Variants in NCKAP1L observed in about 807,000 individuals in gnomAD.
The protein encoded by NCKAP1L is nck-associated protein 1-like.
NCKAP1L carries 53 observed loss-of-function variants against 139.2 expected under a neutral mutation model. The ratio of observed to expected loss-of-function variants is 0.38; its 90% CI spans 0.31 to 0.48. The LOEUF (loss-of-function observed/expected upper bound fraction) is 0.48. NCKAP1L is among the 20% of genes least tolerant of loss of function. The pLI is 0.98. For missense variants in NCKAP1L, 1,151 were observed against 1,381.9 expected (o/e 0.83, Z 2.65); for synonymous variants, 468 against 499.7 (o/e 0.94, Z 0.85).
intron 20 of NCKAP1L, 138 bp from the exon 21 acceptor site, chr12:54,526,390 G>C: frequency 1.5e-6 from 1 of 659,836 alleles, no homozygotes; most frequent in Non-Finnish European, 2.6e-6. Context: ...AGCTTATTAG[G>C]TTACTATGAG....
chr12:54,500,842 T>C, intron 3 of NCKAP1L: 1 of 396,428 alleles, frequency 2.5e-6, no homozygotes. Context: ...TATGTATATG[T>C]ATTTAGTAAA....
At chr12:54,507,114 T>C (rs1423342965) in intron 3 of NCKAP1L, among the ~76,000 whole-genome samples, 1 of 151,844 alleles carries the variant, frequency 6.6e-6, no homozygotes, top group African/African-American at 2.4e-5. Flanking sequence ...CTCTCTCTTT[T>C]CCTTTTATAA....
chr12:54,539,722 C>G (rs1957142572), intron 30 of NCKAP1L, among the ~76,000 whole-genome samples: 7 of 152,278 alleles, frequency 4.6e-5, no homozygotes, highest in Admixed American at 3.3e-4. Context: ...GAGCCTTCCT[C>G]TAGTAGAGTG....
chr12:54,537,195 T>C (rs368556714), intron 29 of NCKAP1L, 142 bp downstream of exon 29: 2 of 550,074 alleles, frequency 3.6e-6, no homozygotes, highest in Non-Finnish European at 6.4e-6. Flanking sequence ...GAGAAGCTAC[T>C]ATGTGAAAGG....
chr12:54,531,202 G>A, intron 22 of NCKAP1L, 58 bp from the exon 23 acceptor site: 1 of 1,283,254 alleles, frequency 7.8e-7, no homozygotes, highest in Non-Finnish European at 1.1e-6. Context: ...TATAGCTGTT[G>A]TACAAATACT....
At chr12:54,519,427 T>A in intron 16 of NCKAP1L, 95 bp downstream of exon 16, 2 of 931,838 alleles carry the variant, frequency 2.1e-6, no homozygotes, top group Non-Finnish European at 2.8e-6. Context: ...GAATTTTGTT[T>A]AATTTTTTTT....
intron 30 of NCKAP1L, among the ~76,000 whole-genome samples, chr12:54,541,021 G>A (rs1957153914): frequency 6.6e-6 from 1 of 152,258 alleles, no homozygotes; most frequent in Non-Finnish European, 1.5e-5. Flanking sequence ...ATTCTGACCA[G>A]CACTTCTGTC....
rs749025626 is a variant in NCKAP1L at position 54,542,653 on chromosome 12, C to T, written c.3352C>T (p.Arg1118Trp). Residue 1118 changes from arginine (R) to tryptophan (W), a missense_variant, in exon 31 of 31, where the codon CGG becomes TGG. By Grantham distance (101) the Arg-to-Trp change is moderately radical. Transcript: ENST00000293373. Reference protein sequence around the residue: ...FPYVLLRNAYREVSRAFHLN With the variant: ...FPYVLLRNAYWEVSRAFHLN ...TTATGTCCTGCTTCGAAATGCCTAT[C>T]GGGAGGTGTCTCGGGCCTTCCACCT... is the stretch of plus-strand genomic sequence containing the variant. 10 of 1,613,322 alleles carry T rather than the reference C, an allele frequency of 6.2e-6. No homozygotes were observed. The highest frequency in any genetic ancestry group is 4.0e-5 in the African/African-American group (3 of 74,904).
At chr12:54,500,442 G>A (rs1956788929) in intron 2 of NCKAP1L, 91 bp from the exon 3 acceptor site, 1 of 913,612 alleles carries the variant, frequency 1.1e-6, no homozygotes, top group Admixed American at 1.8e-5. Flanking sequence ...CTTTAAGAAT[G>A]TTTTAGGTAT....
chr12:54,542,665 C>T lies in NCKAP1L; in HGVS notation c.3364C>T (p.Arg1122Trp), dbSNP rs150918174. ...LLRNAYREVS[R>W]AFHLN ...TCGAAATGCCTATCGGGAGGTGTCT[C>T]GGGCCTTCCACCTAAACTGAATGCC... Residue 1122 changes from arginine to tryptophan, a missense_variant, in exon 31 of 31, where the codon CGG (arginine) becomes TGG (tryptophan). Transcript: ENST00000293373. 9 of 1,607,592 alleles carry T rather than the reference C, an allele frequency of 5.6e-6. No individual in the cohort carries two copies. Among genetic ancestry groups the T allele is most frequent in the African/African-American group, 4.0e-5 (3 of 74,672 alleles).
chr12:54,505,316 C>CT (rs1318094011), intron 3 of NCKAP1L, among the ~76,000 whole-genome samples: 2 of 152,026 alleles, frequency 1.3e-5, no homozygotes, highest in Non-Finnish European at 2.9e-5. Flanking sequence ...TAGACACAGC[C>CT]TTTTTTTGGA....
At chr12:54,503,004 CAAAA>C (rs77302715) in intron 3 of NCKAP1L, among the ~76,000 whole-genome samples, 1 of 83,660 alleles carries the variant, frequency 1.2e-5, no homozygotes. Context: ...GACTTTGTCT[CAAAA>C]AAAAAAAAAA....
At chr12:54,533,552 T>C (rs953202335) in intron 26 of NCKAP1L, among the ~76,000 whole-genome samples, 18 of 151,886 alleles carry the variant, frequency 1.2e-4, no homozygotes, top group Admixed American at 7.2e-4. Context: ...GCAAAGTGTG[T>C]GTATGTTGGT....
Position 54,511,815 on chromosome 12 carries a change from T to C in NCKAP1L, c.748T>C (p.Tyr250His). Residue 250 changes from tyrosine (Y) to histidine (H), a missense_variant, in exon 8 of 31, where the codon TAT becomes CAT. Transcript: ENST00000293373. ...TCTCTTCTCACAGATGGCCTGTGAG[T>C]ATCTGTCTGTGGAAGTAATGGAGCG... is the stretch of plus-strand genomic sequence containing the variant. ...PANSDTMACE[Y>H]LSVEVMERWI... 6.2e-7 allele frequency: 1 copy of C among 1,614,202 alleles called. No individual in the cohort carries two copies. The highest frequency in any genetic ancestry group is 8.5e-7 in the Non-Finnish European group (1 of 1,180,018).
chr12:54,532,978 A>G (rs1957084855), intron 26 of NCKAP1L, among the ~76,000 whole-genome samples: 1 of 152,234 alleles, frequency 6.6e-6, no homozygotes. Flanking sequence ...GGTCTGTGTT[A>G]AGAGGAAACT....
chr12:54,546,584 G>T lies in NCKAP1L; in HGVS notation c.*3899G>T, dbSNP rs1957199469. 2 of 152,196 alleles carry T rather than the reference G, an allele frequency of 1.3e-5. No homozygotes were observed. The highest frequency in any genetic ancestry group is 2.4e-5 in the African/African-American group (1 of 41,434). The allele number at this position is 152,196 out of a possible 1,614,324, so 9.4% of individuals were successfully genotyped here. A position where few individuals can be genotyped will look rare whatever the true frequency, so the allele number is the denominator to read the frequency against. On this transcript the variant is annotated 3_prime_UTR_variant, in exon 31 of 31. Coordinates refer to ENST00000293373, the MANE Select transcript of NCKAP1L (RefSeq NM_005337.5). ...CTCCAACAAAGTTTGACTTTGAGAAGAAGCTGGCACATGGCTGAAATGCAC... is the reference window on the plus strand; with the variant it reads ...CTCCAACAAAGTTTGACTTTGAGAATAAGCTGGCACATGGCTGAAATGCAC...
At chr12:54,508,264 C>G (rs1237670748) in intron 4 of NCKAP1L, 125 bp from the exon 5 acceptor site, 1 of 1,019,134 alleles carries the variant, frequency 9.8e-7, no homozygotes, top group Non-Finnish European at 1.5e-6. Context: ...TCAATCCTGT[C>G]AGTTCCTACT....
chr12:54,531,954 G>A, intron 25 of NCKAP1L, 129 bp downstream of exon 25: 2 of 838,018 alleles, frequency 2.4e-6, no homozygotes, highest in Non-Finnish European at 3.7e-6. Flanking sequence ...GGTGAGCATT[G>A]AGAAGAGGGA....
At chr12:54,519,161 C>T in intron 15 of NCKAP1L, 26 bp from the exon 16 acceptor site, 1 of 1,552,462 alleles carries the variant, frequency 6.4e-7, no homozygotes, top group Non-Finnish European at 8.7e-7. Context: ...TTATTTTTCT[C>T]CACACTTTCC....
Sources: gnomAD v4.1 joint callset for allele counts (sites outside exome capture counted in the v4.1 genomes callset) on GRCh38, gnomAD v4.1.1 for gene constraint, MANE v1.5 for transcripts, NCBI Gene and HGNC (gene_info 2026-07-23, HGNC 2026-07-21) for gene names.